PACRG: variants seen among roughly 807,000 people sequenced by gnomAD.
PACRG encodes the protein parkin coregulated, also known as parkin coregulated gene protein.
A neutral mutation model predicts 29.7 loss-of-function variants in PACRG; 29 were observed. That is an observed-to-expected ratio of 0.98 (90% CI 0.73 to 1.33). The LOEUF (loss-of-function observed/expected upper bound fraction) is 1.33, where lower values mean the gene tolerates loss of function less well. Among genes scored for constraint, PACRG ranks in the 40% most tolerant of loss-of-function variants. The probability of loss-of-function intolerance (pLI) is 0.00; values close to 1 mark genes in which losing one functional copy is unlikely to be tolerated. For synonymous variants in PACRG, 116 were observed against 118.7 expected (o/e 0.98, Z 0.15); for missense variants, 279 against 316.2 (o/e 0.88, Z 0.89).
intron 2 of PACRG, among the ~76,000 whole-genome samples, chr6:162,914,770 C>A (rs970877013): frequency 1.3e-5 from 2 of 151,556 alleles, no homozygotes; most frequent in African/African-American, 4.8e-5. Context: ...GTCATAAATA[C>A]CTTTTATTAG....
chr6:162,879,572 A>T (rs545010732), intron 2 of PACRG, among the ~76,000 whole-genome samples: 1 of 152,352 alleles, frequency 6.6e-6, no homozygotes, highest in East Asian at 1.9e-4. Flanking sequence ...AATCAATCCA[A>T]TGTAGGACAT....
chr6:162,974,812 C>T (rs79468252), intron 2 of PACRG, among the ~76,000 whole-genome samples: 2,690 of 152,302 alleles, frequency 0.018, 70 homozygotes, highest in East Asian at 0.052. Flanking sequence ...AGATTCGTCA[C>T]TTGCCTTTCT....
intron 2 of PACRG, among the ~76,000 whole-genome samples, chr6:163,005,934 A>G (rs1426068975): frequency 1.4e-5 from 2 of 141,506 alleles, no homozygotes; most frequent in East Asian, 2.0e-4. Context: ...TATATATAAC[A>G]TGTATAACAG....
chr6:162,929,956 G>A (rs540712067), intron 2 of PACRG, among the ~76,000 whole-genome samples: 29 of 151,998 alleles, frequency 1.9e-4, no homozygotes, highest in Non-Finnish European at 3.5e-4. Context: ...TTTTATGCCA[G>A]TACCATGCTC....
chr6:162,733,884 C>T (rs1363771756), intron 1 of PACRG, among the ~76,000 whole-genome samples: 1 of 152,054 alleles, frequency 6.6e-6, no homozygotes, highest in Non-Finnish European at 1.5e-5. Context: ...CTCCAGCACT[C>T]CCATCTCCCT....
intron 2 of PACRG, among the ~76,000 whole-genome samples, chr6:162,872,226 G>T (rs1445512300): frequency 0.026 from 4 of 152 alleles, no homozygotes; most frequent in Non-Finnish European, 0.05. Context: ...TTCTCTATGA[G>T]AGCTCAGTGC....
At chr6:163,309,719 A>G (rs369305208) in intron 4 of PACRG, among the ~76,000 whole-genome samples, 1 of 152,268 alleles carries the variant, frequency 6.6e-6, no homozygotes, top group East Asian at 1.9e-4. Flanking sequence ...CCAGCTCTTC[A>G]GGCATCTCAG....
chr6:162,998,532 T>G (rs1804291531), intron 2 of PACRG, among the ~76,000 whole-genome samples: 1 of 152,254 alleles, frequency 6.6e-6, no homozygotes, highest in East Asian at 1.9e-4. Context: ...GTATGTCATG[T>G]TGATGAACGT....
At chr6:162,833,945 G>A (rs1424123725) in intron 2 of PACRG, among the ~76,000 whole-genome samples, 1 of 152,026 alleles carries the variant, frequency 6.6e-6, no homozygotes, top group Non-Finnish European at 1.5e-5. Context: ...TTAACGTTGT[G>A]CAACCAATTT....
chr6:163,143,373 GA>G (rs543027650), intron 4 of PACRG, among the ~76,000 whole-genome samples: 436 of 152,312 alleles, frequency 2.9e-3, no homozygotes, highest in Admixed American at 3.3e-3. Flanking sequence ...CGCATAAGTA[GA>G]GGTTTTATTT....
At chr6:162,989,653 T>C (rs902211183) in intron 2 of PACRG, among the ~76,000 whole-genome samples, 2 of 151,868 alleles carry the variant, frequency 1.3e-5, no homozygotes, top group African/African-American at 2.4e-5. Context: ...ATGAATATTT[T>C]CAATCCTTGG....
chr6:163,200,197 A>AT (rs1562960254), intron 4 of PACRG, among the ~76,000 whole-genome samples: 1 of 152,190 alleles, frequency 6.6e-6, no homozygotes, highest in African/African-American at 2.4e-5. Context: ...GCCTACAAAT[A>AT]TTTTTTATTA....
intron 4 of PACRG, among the ~76,000 whole-genome samples, chr6:163,269,678 T>G (rs1033545147): frequency 2.0e-5 from 3 of 151,488 alleles, no homozygotes; most frequent in African/African-American, 7.3e-5. Flanking sequence ...TTTATGGATC[T>G]TTAAAAAAGT....
chr6:163,047,001 C>T (rs1447698239), intron 2 of PACRG, among the ~76,000 whole-genome samples: 1 of 152,212 alleles, frequency 6.6e-6, no homozygotes, highest in Non-Finnish European at 1.5e-5. Flanking sequence ...ATTAACTTCA[C>T]CTGAAATAAT....
At chr6:163,239,898 A>G (rs1218413881) in intron 4 of PACRG, among the ~76,000 whole-genome samples, 1 of 135,356 alleles carries the variant, frequency 7.4e-6, no homozygotes, top group Non-Finnish European at 1.5e-5. Flanking sequence ...ACACACTCAC[A>G]CTGTCACACG....
intron 1 of PACRG, among the ~76,000 whole-genome samples, chr6:162,779,618 T>G (rs1783931655): frequency 6.6e-6 from 1 of 152,222 alleles, no homozygotes; most frequent in Non-Finnish European, 1.5e-5. Flanking sequence ...TTATAACAGA[T>G]GAGTCTTGGA....
At chr6:162,896,110 C>G (rs1305709747) in intron 2 of PACRG, among the ~76,000 whole-genome samples, 1 of 152,238 alleles carries the variant, frequency 6.6e-6, no homozygotes, top group Non-Finnish European at 1.5e-5. Context: ...CTGATTGCCA[C>G]CACACCTTCC....
intron 3 of PACRG, among the ~76,000 whole-genome samples, chr6:163,077,380 G>A (rs996779772): frequency 2.0e-5 from 3 of 152,130 alleles, no homozygotes; most frequent in African/African-American, 4.8e-5. Context: ...GAGCTCTAAC[G>A]AGGTGAGGTC....
chr6:163,121,528 G>A (rs936795992), intron 4 of PACRG, among the ~76,000 whole-genome samples: 20 of 152,062 alleles, frequency 1.3e-4, no homozygotes, highest in South Asian at 1.0e-3. Flanking sequence ...GGACTGCTGC[G>A]GCCTCTCTGC....
Sources: gnomAD v4.1 joint callset for allele counts (sites outside exome capture counted in the v4.1 genomes callset) on GRCh38, gnomAD v4.1.1 for gene constraint, MANE v1.5 for transcripts, NCBI Gene and HGNC (gene_info 2026-07-23, HGNC 2026-07-21) for gene names.